The following RORA variants were observed in gnomAD, a reference collection of about 807,000 sequenced individuals.
The protein encoded by RORA is RAR related orphan receptor A.
In RORA, 7 loss-of-function variants were observed where a neutral mutation model predicts 69.5. The ratio of observed to expected loss-of-function variants is 0.10; its 90% CI spans 0.06 to 0.19. The LOEUF (loss-of-function observed/expected upper bound fraction) is 0.19, where lower values mean the gene tolerates loss of function less well. RORA is among the 10% of genes least tolerant of loss of function. RORA has a pLI of 1.00. For synonymous variants in RORA, 261 were observed against 240.8 expected (o/e 1.08, Z -0.78); for missense variants, 457 against 663.0 (o/e 0.69, Z 3.41).
Position 61,061,181 on chromosome 15 carries a change from G to A in RORA, c.166+167872C>T, listed in dbSNP as rs1023587926. Among the ~76,000 whole-genome samples the A allele has an allele frequency of 3.3e-5, 5 of 151,850 alleles. No homozygotes were observed. The highest frequency in any genetic ancestry group is 1.3e-4 in the Admixed American group (2 of 15,262). The stretch of plus-strand genomic sequence containing the variant: ...ATCCTGGCTAACATGGTGAAACCCC[G>A]TCTCTACTAAAACCACAAAACATTA... On this transcript the variant is annotated intron_variant, in intron 1 of 10. Coordinates refer to ENST00000335670, the MANE Select transcript of RORA (RefSeq NM_134261.3). The surrounding 1 kb of genome is among the most constrained non-coding windows in gnomAD (Gnocchi z 4.4).
At chr15:60,939,682 G>T (rs1892631245) in intron 1 of RORA, among the ~76,000 whole-genome samples, 1 of 152,208 alleles carries the variant, frequency 6.6e-6, no homozygotes, top group Admixed American at 6.5e-5. Flanking sequence ...ATAACAGGGG[G>T]ACAGCACATT....
chr15:61,169,515 C>G (rs1013608393), intron 1 of RORA, among the ~76,000 whole-genome samples: 2 of 151,928 alleles, frequency 1.3e-5, no homozygotes, highest in African/African-American at 4.8e-5. Context: ...TCTGCCTCCT[C>G]CTCACACGGG....
intron 1 of RORA, among the ~76,000 whole-genome samples, chr15:60,982,337 G>C (rs1053030632): frequency 5.5e-4 from 83 of 152,184 alleles, no homozygotes; most frequent in African/African-American, 1.9e-3. Flanking sequence ...AAAATCTTAA[G>C]AACATGTAGG....
intron 1 of RORA, among the ~76,000 whole-genome samples, chr15:61,191,720 C>T (rs1048119466): frequency 6.6e-6 from 1 of 152,176 alleles, no homozygotes; most frequent in Non-Finnish European, 1.5e-5. Flanking sequence ...CATAGTAATC[C>T]AAGGACAACT....
intron 1 of RORA, among the ~76,000 whole-genome samples, chr15:61,215,772 T>G (rs1452343777): frequency 2.0e-5 from 3 of 152,242 alleles, no homozygotes; most frequent in African/African-American, 2.4e-5. Flanking sequence ...GGGGTTTCTC[T>G]TCTCAGCTAG....
chr15:60,999,953 T>TC (rs1291442171), intron 1 of RORA, among the ~76,000 whole-genome samples: 2 of 151,688 alleles, frequency 1.3e-5, no homozygotes, highest in Non-Finnish European at 2.9e-5. Context: ...TCTGCCCCTT[T>TC]CCCCCTCAAA....
chr15:61,070,270 C>A (rs1260994915), intron 1 of RORA, among the ~76,000 whole-genome samples: 1 of 152,194 alleles, frequency 6.6e-6, no homozygotes, highest in African/African-American at 2.4e-5. Context: ...TTCACACACA[C>A]CCGTATGCCC....
At chr15:60,532,587 G>A (rs1243975258) in intron 2 of RORA, among the ~76,000 whole-genome samples, 1 of 152,104 alleles carries the variant, frequency 6.6e-6, no homozygotes, top group African/African-American at 2.4e-5. Flanking sequence ...CAAATAACAT[G>A]TATCACACCA....
chr15:60,736,075 G>A (rs889009562), intron 1 of RORA, among the ~76,000 whole-genome samples: 16 of 152,186 alleles, frequency 1.1e-4, no homozygotes, highest in Admixed American at 1.3e-4. Context: ...GCCTTCAGAA[G>A]CCAGGACTGA....
At chr15:60,937,037 C>A (rs1892544546) in intron 1 of RORA, among the ~76,000 whole-genome samples, 1 of 152,086 alleles carries the variant, frequency 6.6e-6, no homozygotes, top group Non-Finnish European at 1.5e-5. Flanking sequence ...GTGTGCTAGG[C>A]ACCATATGGA....
At chr15:61,098,974 T>A (rs1273854329) in intron 1 of RORA, among the ~76,000 whole-genome samples, 1 of 152,238 alleles carries the variant, frequency 6.6e-6, no homozygotes, top group Non-Finnish European at 1.5e-5. Flanking sequence ...AACGTACGCT[T>A]CAGTGAAATT....
intron 1 of RORA, among the ~76,000 whole-genome samples, chr15:61,070,424 C>A (rs2078324627): frequency 6.6e-6 from 1 of 152,212 alleles, no homozygotes; most frequent in Non-Finnish European, 1.5e-5. Context: ...ACCCCAACAC[C>A]ATATAAGCAG....
At chr15:61,161,695 A>T (rs932220080) in intron 1 of RORA, among the ~76,000 whole-genome samples, 1 of 152,186 alleles carries the variant, frequency 6.6e-6, no homozygotes, top group Non-Finnish European at 1.5e-5. Flanking sequence ...ATCTTTAAAC[A>T]GCAAGCAACT....
chr15:60,921,770 T>A (rs1480251808), intron 1 of RORA, among the ~76,000 whole-genome samples: 2 of 152,220 alleles, frequency 1.3e-5, no homozygotes, highest in Admixed American at 1.3e-4. Context: ...ATCTTCCTCA[T>A]CTGCGAAACC....
At chr15:60,986,693 A>G (rs1894213353) in intron 1 of RORA, among the ~76,000 whole-genome samples, 1 of 152,164 alleles carries the variant, frequency 6.6e-6, no homozygotes, top group African/African-American at 2.4e-5. Context: ...AAGTGCTTAG[A>G]TCATAAAGCA....
At chr15:61,022,979 G>C (rs1895613294) in intron 1 of RORA, among the ~76,000 whole-genome samples, 1 of 151,988 alleles carries the variant, frequency 6.6e-6, no homozygotes. Flanking sequence ...GCGGTCAAGA[G>C]TTCATGACCA....
At chr15:60,952,466 A>G (rs1473351618) in intron 1 of RORA, among the ~76,000 whole-genome samples, 1 of 151,912 alleles carries the variant, frequency 6.6e-6, no homozygotes, top group East Asian at 1.9e-4. Flanking sequence ...GAAGGAAATA[A>G]AGGGTATTCA....
chr15:61,029,763 C>T (rs1205994254), intron 1 of RORA, among the ~76,000 whole-genome samples: 1 of 152,138 alleles, frequency 6.6e-6, no homozygotes, highest in Admixed American at 6.5e-5. Flanking sequence ...AGACAGGACA[C>T]TGTAAGAGGC....
chr15:60,840,068 C>T (rs570819409), intron 1 of RORA, among the ~76,000 whole-genome samples: 3 of 152,136 alleles, frequency 2.0e-5, no homozygotes, highest in South Asian at 2.1e-4. Flanking sequence ...TGATGATGGG[C>T]GGGGTCTGAG....
Sources: allele counts gnomAD v4.1 joint callset (sites outside exome capture counted in the v4.1 genomes callset), GRCh38; gene constraint gnomAD v4.1.1; non-coding constraint Gnocchi (gnomAD v3.1); transcripts MANE v1.5; gene names NCBI Gene and HGNC (gene_info 2026-07-23, HGNC 2026-07-21).